The following COX7B2 variants were observed in gnomAD, a reference collection of about 807,000 sequenced individuals.
COX7B2 encodes cytochrome c oxidase subunit 7B2.
For synonymous variants in COX7B2, 37 were observed against 32.1 expected, an observed-to-expected ratio of 1.15 and a Z score of -0.51; for missense variants, 109 against 95.9, an observed-to-expected ratio of 1.14 and a Z score of -0.57.
chr4:46,735,408 T>G (rs1237710623), intron 2 of COX7B2, among the ~76,000 whole-genome samples, 167 bp from the exon 3 acceptor site: 1 of 152,190 alleles, frequency 6.6e-6, no homozygotes, highest in East Asian at 1.9e-4. Flanking sequence ...CTATATGAAC[T>G]TGGGGCAATT....
chr4:46,802,330 C>A (rs1310527372), intron 2 of COX7B2, among the ~76,000 whole-genome samples: 1 of 152,078 alleles, frequency 6.6e-6, no homozygotes, highest in Non-Finnish European at 1.5e-5. Context: ...ATATACGGAA[C>A]TAAACAAGGG....
At chr4:46,753,585 T>C (rs1028547517) in intron 2 of COX7B2, among the ~76,000 whole-genome samples, 3 of 151,852 alleles carry the variant, frequency 2.0e-5, no homozygotes, top group Non-Finnish European at 4.4e-5. Flanking sequence ...AAGACTTAAA[T>C]GTTAGACCTA....
chr4:46,799,878 G>A (rs1490843078), intron 2 of COX7B2, among the ~76,000 whole-genome samples: 1 of 152,090 alleles, frequency 6.6e-6, no homozygotes, highest in Non-Finnish European at 1.5e-5. Context: ...AAGTTAGGGA[G>A]GAGTCCCTTA....
chr4:46,748,268 G>A (rs1715141955), intron 2 of COX7B2, among the ~76,000 whole-genome samples: 1 of 152,070 alleles, frequency 6.6e-6, no homozygotes, highest in Admixed American at 6.6e-5. Context: ...AATTATTACT[G>A]CTCAAATACT....
intron 1 of COX7B2, among the ~76,000 whole-genome samples, chr4:46,865,784 CT>C (rs1163881829): frequency 6.6e-6 from 1 of 152,158 alleles, no homozygotes; most frequent in African/African-American, 2.4e-5. Context: ...TGGTTGCCGA[CT>C]CTGTCATCAA....
chr4:46,766,605 G>A (rs1414350137), intron 2 of COX7B2, among the ~76,000 whole-genome samples: 1 of 151,946 alleles, frequency 6.6e-6, no homozygotes, highest in Non-Finnish European at 1.5e-5. Context: ...GGGAGGCTGA[G>A]GCAGGAGAAT....
At chr4:46,901,397 A>C (rs1720062989) in intron 1 of COX7B2, among the ~76,000 whole-genome samples, 1 of 152,214 alleles carries the variant, frequency 6.6e-6, no homozygotes, top group African/African-American at 2.4e-5. Context: ...GGGTAGAAAA[A>C]ATCAGTAACT....
At chr4:46,763,272 G>A (rs7656540) in intron 2 of COX7B2, among the ~76,000 whole-genome samples, 33,996 of 140,482 alleles carry the variant, frequency 0.24, 4,347 homozygotes, top group Middle Eastern at 0.33. Flanking sequence ...ACAATTGTTT[G>A]TTTCAATTTC....
rs189063086 is a variant in COX7B2, at chr4:46,773,712, T to C, written c.-49-38471A>G. ...ATTTGAGCTGGGCTTCTGGATCTAA[T>C]TTTTTAGAAAGAAGCTGAGCATCTA... On this transcript the variant is annotated intron_variant, in intron 2 of 2. Coordinates refer to ENST00000355591, the MANE Select transcript of COX7B2 (RefSeq NM_130902.3). 1.4e-3 allele frequency among the ~76,000 whole-genome samples: 216 copies of C among 152,264 alleles called. No homozygotes were observed. The Middle Eastern group carries it at 0.017, about 12-fold the overall frequency.
chr4:46,799,484 C>T (rs1444445336), intron 2 of COX7B2, among the ~76,000 whole-genome samples: 1 of 152,236 alleles, frequency 6.6e-6, no homozygotes, highest in African/African-American at 2.4e-5. Flanking sequence ...ATGATGCTGG[C>T]TGTGAGTTTG....
intron 2 of COX7B2, among the ~76,000 whole-genome samples, chr4:46,762,241 T>G (rs896702053): frequency 7.0e-6 from 1 of 142,530 alleles, no homozygotes; most frequent in Non-Finnish European, 1.5e-5. Flanking sequence ...ATATTAAATA[T>G]ATTATATATT....
chr4:46,878,913 T>TA (rs1718524046), intron 1 of COX7B2, among the ~76,000 whole-genome samples: 1 of 152,148 alleles, frequency 6.6e-6, no homozygotes. Context: ...GGCAAGGACT[T>TA]ACAGTCTTAG....
chr4:46,859,490 G>A (rs1259350856), intron 1 of COX7B2, among the ~76,000 whole-genome samples: 1 of 152,140 alleles, frequency 6.6e-6, no homozygotes, highest in Non-Finnish European at 1.5e-5. Flanking sequence ...TGGGGAAGTG[G>A]AATAACTGAA....
At chr4:46,825,903 T>G (rs1335805577) in intron 2 of COX7B2, among the ~76,000 whole-genome samples, 1 of 152,052 alleles carries the variant, frequency 6.6e-6, no homozygotes, top group Non-Finnish European at 1.5e-5. Context: ...GGTTTAAATG[T>G]AAAACCCAAA....
At chr4:46,872,692 A>G (rs1295667857) in intron 1 of COX7B2, among the ~76,000 whole-genome samples, 1 of 152,186 alleles carries the variant, frequency 6.6e-6, no homozygotes, top group Non-Finnish European at 1.5e-5. Context: ...TCAGAATGTC[A>G]GAATCTGAGT....
intron 2 of COX7B2, among the ~76,000 whole-genome samples, chr4:46,806,981 G>T (rs1287654904): frequency 6.6e-6 from 1 of 152,090 alleles, no homozygotes; most frequent in Middle Eastern, 3.4e-3. Context: ...AGTGAACATG[G>T]GAGTGCAGAT....
At chr4:46,822,969 C>A (rs188672444) in intron 2 of COX7B2, among the ~76,000 whole-genome samples, 1 of 152,242 alleles carries the variant, frequency 6.6e-6, no homozygotes, top group African/African-American at 2.4e-5. Context: ...TAAACAATTA[C>A]TCTAAATCCA....
intron 1 of COX7B2, among the ~76,000 whole-genome samples, chr4:46,895,535 T>C (rs1719707635): frequency 6.6e-6 from 1 of 152,070 alleles, no homozygotes; most frequent in Non-Finnish European, 1.5e-5. Context: ...AAAATAACTA[T>C]TGGGTACTAG....
At chr4:46,878,048 A>G (rs1718455016) in intron 1 of COX7B2, among the ~76,000 whole-genome samples, 1 of 151,060 alleles carries the variant, frequency 6.6e-6, no homozygotes, top group African/African-American at 2.4e-5. Flanking sequence ...CACACAAAGA[A>G]TATTACTCAC....
Sources: gnomAD v4.1 joint callset for allele counts (sites outside exome capture counted in the v4.1 genomes callset) on GRCh38, gnomAD v4.1.1 for gene constraint, MANE v1.5 for transcripts, NCBI Gene and HGNC (gene_info 2026-07-23, HGNC 2026-07-21) for gene names.